The following TNS1 variants were observed in gnomAD, a reference collection of about 807,000 sequenced individuals.
The protein encoded by TNS1 is tensin 1.
A neutral mutation model predicts 168.6 loss-of-function variants in TNS1; 62 were observed. That is an observed-to-expected ratio of 0.37 (90% confidence interval 0.30 to 0.45). The LOEUF is 0.45. TNS1 is among the 20% of genes least tolerant of loss of function. TNS1 has a pLI of 1.00. For missense variants in TNS1, 2,240 were observed against 2,339.4 expected (o/e 0.96, Z 0.88); for synonymous variants, 934 against 933.2 (o/e 1.00, Z -0.02).
intron 3 of TNS1, among the ~76,000 whole-genome samples, chr2:217,973,679 A>G (rs1193377828): frequency 6.6e-6 from 1 of 152,198 alleles, no homozygotes; most frequent in Non-Finnish European, 1.5e-5. Context: ...CCCCTATGCC[A>G]AGGTGCCATT....
chr2:217,815,274 C>T, intron 24 of TNS1: 2 of 398,516 alleles, frequency 5.0e-6, no homozygotes, highest in South Asian at 8.8e-5. Context: ...GATGCGTCTA[C>T]ATGCCAAGGG....
At chr2:218,007,725 C>T (rs767858782), upstream of TNS1, among the ~76,000 whole-genome samples, 163 of 152,046 alleles carry the variant, frequency 1.1e-3, 3 homozygotes, top group Non-Finnish European at 1.4e-3. Flanking sequence ...TCCCCTGATG[C>T]CCCTAGGACC....
At chr2:217,805,702 C>T (rs1342784586) in intron 32 of TNS1, among the ~76,000 whole-genome samples, 2 of 99,120 alleles carry the variant, frequency 2.0e-5, no homozygotes, top group African/African-American at 7.5e-5. Flanking sequence ...CACATCACCA[C>T]ATGCATACAC....
chr2:217,905,725 A>T (rs1953594427), intron 6 of TNS1, among the ~76,000 whole-genome samples: 1 of 151,978 alleles, frequency 6.6e-6, no homozygotes. Context: ...GACAAGACCA[A>T]CCCCGAACGG....
chr2:217,999,997 A>G (rs1958533763), intron 1 of TNS1, among the ~76,000 whole-genome samples: 1 of 152,160 alleles, frequency 6.6e-6, no homozygotes, highest in African/African-American at 2.4e-5. Flanking sequence ...GTTCCTGAGG[A>G]CCAGTGAGTC....
chr2:217,940,286 TGGTAA>T (rs1341598173), intron 3 of TNS1, among the ~76,000 whole-genome samples: 3 of 152,160 alleles, frequency 2.0e-5, no homozygotes, highest in Non-Finnish European at 4.4e-5. Context: ...ATTTGGAGGC[TGGTAA>T]CTGGGAGGGC....
chr2:218,017,082 C>G (rs972404876), intron 1 of TNS1, among the ~76,000 whole-genome samples: 3 of 152,206 alleles, frequency 2.0e-5, no homozygotes, highest in African/African-American at 7.2e-5. Flanking sequence ...TCCTGCCTCC[C>G]CAGGCTCAGA....
At chr2:217,954,497 G>A (rs184525518) in intron 3 of TNS1, among the ~76,000 whole-genome samples, 162 of 152,286 alleles carry the variant, frequency 1.1e-3, no homozygotes, top group Admixed American at 2.4e-3. Context: ...AACTAAGCAG[G>A]TACTGTGATT....
intron 3 of TNS1, among the ~76,000 whole-genome samples, chr2:217,973,864 C>G (rs532744745): frequency 4.9e-4 from 75 of 152,296 alleles, no homozygotes; most frequent in African/African-American, 1.7e-3. Flanking sequence ...CTAACAGTCC[C>G]AAACGGGAAA....
intron 22 of TNS1, among the ~76,000 whole-genome samples, chr2:217,823,325 C>T (rs1385030288): frequency 6.6e-6 from 1 of 152,158 alleles, no homozygotes; most frequent in African/African-American, 2.4e-5. Flanking sequence ...ATCAAACTTT[C>T]TTTACCAAAA....
chr2:217,960,714 A>G (rs1392727545), intron 3 of TNS1, among the ~76,000 whole-genome samples: 1 of 152,168 alleles, frequency 6.6e-6, no homozygotes, highest in Non-Finnish European at 1.5e-5. Context: ...AGGGAGTCCC[A>G]GCTGCTCCTT....
chr2:217,937,171 TCTGTCTACTCCCCTA>T (rs1956654049), intron 3 of TNS1: 1 of 374,486 alleles, frequency 2.7e-6, no homozygotes, highest in Admixed American at 2.7e-5. Flanking sequence ...GCAGCAACAC[TCTGTCTACTCCCCTA>T]CTCCCCTACT....
intron 1 of TNS1, among the ~76,000 whole-genome samples, chr2:218,000,923 G>A (rs760169536): frequency 1.3e-5 from 2 of 152,160 alleles, no homozygotes; most frequent in African/African-American, 2.4e-5. Flanking sequence ...AGGCTGAGAC[G>A]GGAGGATCAC....
At position 217,810,001 on chromosome 2, in the gene TNS1, A is replaced by G. The variant is rs1940531615; in HGVS notation, c.5105-10T>C. 3.7e-6 allele frequency: 6 copies of G among 1,608,592 alleles called. No individual in the cohort carries two copies. The Middle Eastern group carries it at 9.9e-4, about 267-fold the overall frequency. On this transcript the variant is annotated splice_polypyrimidine_tract_variant and intron_variant, in intron 29 of 32. Coordinates refer to ENST00000682258, the MANE Select transcript of TNS1 (RefSeq NM_001387777.1). ...AAGAGCACATTGCAGGCTGGAAGAA[A>G]CCAACCCAAGGGGGAGTCATGGGAG...
chr2:217,955,193 G>A (rs1957331801), intron 3 of TNS1, among the ~76,000 whole-genome samples: 1 of 152,236 alleles, frequency 6.6e-6, no homozygotes, highest in South Asian at 2.1e-4. Context: ...TCCAGCCTCA[G>A]TGTCTCACCC....
At chr2:217,858,341 A>G (rs3791956) in intron 18 of TNS1, among the ~76,000 whole-genome samples, 29,849 of 151,800 alleles carry the variant, frequency 0.2, 3,298 homozygotes, top group African/African-American at 0.29. Flanking sequence ...CCACAGCCCC[A>G]CTCAGCCACA....
chr2:217,880,094 C>G lies in TNS1; in HGVS notation c.1429+804G>C, dbSNP rs1261985868. On this transcript the variant is annotated intron_variant, in intron 18 of 32. Transcript: ENST00000682258. This position sits in a 1 kb window ranked among gnomAD's most constrained non-coding sequence, Gnocchi z 4.2. ...CCTACGACCAACTCAAGAAAAGAAG[C>G]TTGTGGCCAAACCCCAGGCAGGGCA... Among the ~76,000 whole-genome samples the G allele has an allele frequency of 6.6e-6, 1 of 152,224 alleles. No individual in the cohort carries two copies. Among genetic ancestry groups the G allele is most frequent in the Non-Finnish European group, 1.5e-5 (1 of 68,036 alleles).
chr2:217,949,257 G>A (rs1483941045), intron 3 of TNS1, among the ~76,000 whole-genome samples: 2 of 152,216 alleles, frequency 1.3e-5, no homozygotes, highest in South Asian at 2.1e-4. Context: ...CTAGGCAGAC[G>A]TTGGTCCTTG....
At chr2:218,000,352 C>A (rs1426474399) in intron 1 of TNS1, among the ~76,000 whole-genome samples, 1 of 152,236 alleles carries the variant, frequency 6.6e-6, no homozygotes, top group Non-Finnish European at 1.5e-5. Flanking sequence ...CTCAGAGTAG[C>A]TGGTCAGAGT....
Sources: gnomAD v4.1 joint callset for allele counts (sites outside exome capture counted in the v4.1 genomes callset) on GRCh38, gnomAD v4.1.1 for gene constraint, Gnocchi (gnomAD v3.1) non-coding constraint, MANE v1.5 for transcripts, NCBI Gene and HGNC (gene_info 2026-07-23, HGNC 2026-07-21) for gene names.